Variants in ZBED6 observed in about 807,000 individuals in gnomAD.
ZBED6 encodes zinc finger BED-type containing 6.
In ZBED6, 40 loss-of-function variants were observed where a neutral mutation model predicts 58.4. The observed-to-expected ratio is 0.68, with a 90% confidence interval of 0.53 to 0.89. ZBED6 has a LOEUF of 0.89. Ranked by LOEUF, ZBED6 falls within the 40% of genes least tolerant of loss-of-function variation. ZBED6 has a pLI of 0.00. For missense variants in ZBED6, 1,057 were observed against 1,003.9 expected (o/e 1.05, Z -0.71); for synonymous variants, 439 against 350.6 (o/e 1.25, Z -2.82).
At chr1:203,801,816 GAT>G (rs771370250) in exon 1 of ZBED6, 13 of 47,214 alleles carry the variant, frequency 2.8e-4, no homozygotes, top group African/African-American at 3.5e-4. Context: ...TTTTGGTTTT[GAT>G]TTTTTTTTTT....
intron 11 of ZBED6, among the ~76,000 whole-genome samples, chr1:203,841,946 C>A (rs1490904498): frequency 1.5e-5 from 2 of 137,842 alleles, no homozygotes; most frequent in Non-Finnish European, 3.1e-5. Context: ...CAGAGACACT[C>A]CTCAGTTCCC....
chr1:203,799,459 G>A (rs1432854050), exon 1 of ZBED6: 1 of 703,020 alleles, frequency 1.4e-6, no homozygotes, highest in Non-Finnish European at 2.6e-6. Flanking sequence ...GACGAAACTG[G>A]CCATTGGATT....
intron 1 of ZBED6, among the ~76,000 whole-genome samples, chr1:203,811,143 CAAAAAA>C (rs535589700): frequency 2.7e-5 from 2 of 73,626 alleles, no homozygotes; most frequent in South Asian, 4.7e-4. Flanking sequence ...AACTCTGTCA[CAAAAAA>C]AAAAAAAAAA....
chr1:203,799,999 C>G (rs891257035), exon 1 of ZBED6: 28 of 1,535,986 alleles, frequency 1.8e-5, no homozygotes, highest in Non-Finnish European at 2.4e-5. Flanking sequence ...ACAGTGGGAG[C>G]TGATTCATTT....
chr1:203,821,262 T>G (rs1358829757), intron 3 of ZBED6, among the ~76,000 whole-genome samples: 1 of 152,212 alleles, frequency 6.6e-6, no homozygotes, highest in Non-Finnish European at 1.5e-5. Context: ...GCCATAATTA[T>G]AAGTTTCCTG....
rs1427816892 is a variant in ZBED6 at position 203,847,703 on chromosome 1, G to A, written c.*4245+16G>A. The A allele has an allele frequency of 4.4e-6, 7 of 1,608,582 alleles. No homozygotes were observed. Among genetic ancestry groups the A allele is most frequent in the Non-Finnish European group, 5.9e-6 (7 of 1,178,506 alleles). ...AAAAGAACAGGTAACAAGAGAACTT[G>A]GTCTCTAGTACCACGTCCCCACATA... On this transcript the variant is annotated intron_variant, in intron 12 of 16. Transcript: ENST00000550078.
At chr1:203,839,452 T>C (rs1393524795) in intron 10 of ZBED6, among the ~76,000 whole-genome samples, 2 of 149,308 alleles carry the variant, frequency 1.3e-5, no homozygotes, top group East Asian at 1.9e-4. Context: ...TATTAAAGAA[T>C]AGGTGTTTTT....
intron 1 of ZBED6, among the ~76,000 whole-genome samples, chr1:203,812,187 C>T (rs1010288089): frequency 9.2e-5 from 14 of 152,030 alleles, no homozygotes; most frequent in South Asian, 2.1e-4. Flanking sequence ...AAATGTGTGT[C>T]GTGGGGGTTT....
intron 1 of ZBED6, among the ~76,000 whole-genome samples, chr1:203,808,967 A>C (rs1258096102): frequency 6.6e-6 from 1 of 151,820 alleles, no homozygotes; most frequent in Admixed American, 6.6e-5. Flanking sequence ...AGTAGCTGGG[A>C]TTACAGGCAT....
At chr1:203,836,881 T>C (rs899197866) in intron 9 of ZBED6, among the ~76,000 whole-genome samples, 3 of 152,246 alleles carry the variant, frequency 2.0e-5, no homozygotes, top group African/African-American at 7.2e-5. Flanking sequence ...AGATTTCTTT[T>C]CTAGAATTGG....
At chr1:203,800,409 G>A in exon 1 of ZBED6, 3 of 1,248,124 alleles carry the variant, frequency 2.4e-6, no homozygotes, top group Non-Finnish European at 3.4e-6. Flanking sequence ...TCTGAGCTGG[G>A]ATCCTGAGCA....
At chr1:203,845,220 T>C (rs923400018) in intron 11 of ZBED6, among the ~76,000 whole-genome samples, 4 of 152,208 alleles carry the variant, frequency 2.6e-5, no homozygotes, top group Non-Finnish European at 4.4e-5. Flanking sequence ...TTATTTCTCA[T>C]TGCTGGTGTG....
intron 2 of ZBED6, among the ~76,000 whole-genome samples, chr1:203,818,156 G>A (rs1456166567): frequency 6.6e-6 from 1 of 152,060 alleles, no homozygotes; most frequent in Non-Finnish European, 1.5e-5. Context: ...GTTGCATAAA[G>A]TATGCAGTGG....
intron 1 of ZBED6, among the ~76,000 whole-genome samples, chr1:203,812,578 A>ATTTTTTT (rs386369376): frequency 4.6e-5 from 5 of 109,292 alleles, no homozygotes; most frequent in Admixed American, 3.2e-4. Flanking sequence ...GCCATTCTAA[A>ATTTTTTT]TTTTTTTTTT....
chr1:203,851,134 T>C lies in ZBED6; in HGVS notation c.*4873+10T>C, dbSNP rs562487458. The C allele has an allele frequency of 6.8e-6, 11 of 1,613,738 alleles. No individual in the cohort carries two copies. Among genetic ancestry groups the C allele is most frequent in the African/African-American group, 6.7e-5 (5 of 75,032 alleles). On this transcript the variant is annotated intron_variant, in intron 16 of 16. Coordinates refer to ENST00000550078, the Ensembl canonical transcript of ZBED6. The stretch of plus-strand genomic sequence containing the variant: ...AAAATCCTAGAGACAGGTAATACTT[T>C]GTAATTCTTTCTAAACAAACTCCAG...
At chr1:203,830,316 G>T in intron 7 of ZBED6, 113 bp downstream of exon 7, 1 of 815,592 alleles carries the variant, frequency 1.2e-6, no homozygotes, top group East Asian at 2.5e-5. Flanking sequence ...TCCATGGCCT[G>T]TTTGAAGTAA....
At chr1:203,799,045 C>G (rs534745068) in exon 1 of ZBED6, 5 of 1,535,962 alleles carry the variant, frequency 3.3e-6, no homozygotes, top group Admixed American at 2.0e-5. Context: ...TTGGAAACTG[C>G]GTCTTTTCTC....
At chr1:203,814,391 G>A (rs1371623956) in intron 1 of ZBED6, among the ~76,000 whole-genome samples, 1 of 152,304 alleles carries the variant, frequency 6.6e-6, no homozygotes, top group South Asian at 2.1e-4. Context: ...ATATGTGGTG[G>A]TGCAAGCCTG....
At chr1:203,827,259 T>TAC (rs1376813742) in intron 3 of ZBED6, among the ~76,000 whole-genome samples, 2 of 152,190 alleles carry the variant, frequency 1.3e-5, no homozygotes, top group Non-Finnish European at 2.9e-5. Flanking sequence ...ACATTGCTTA[T>TAC]ACACAGCTGT....
Sources: gnomAD v4.1 joint callset for allele counts (sites outside exome capture counted in the v4.1 genomes callset) on GRCh38, gnomAD v4.1.1 for gene constraint, MANE v1.5 for transcripts, NCBI Gene and HGNC (gene_info 2026-07-23, HGNC 2026-07-21) for gene names.